ERC1: variants seen among roughly 807,000 people sequenced by gnomAD.
ERC1 encodes the protein ELKS/RAB6-interacting/CAST family member 1.
Under a neutral mutation model 132.0 loss-of-function variants are expected in ERC1, and 56 were observed. That is an observed-to-expected ratio of 0.42 (90% confidence interval 0.34 to 0.53). ERC1 has a LOEUF of 0.53. Among genes scored for constraint, ERC1 ranks in the 20% least tolerant of loss-of-function variants. The pLI is 0.03. For synonymous variants in ERC1, 478 were observed against 476.1 expected (o/e 1.00, Z -0.05); for missense variants, 1,202 against 1,349.9 (o/e 0.89, Z 1.72).
chr12:993,992 C>T (rs1592546385), intron 1 of ERC1, among the ~76,000 whole-genome samples: 1 of 145,438 alleles, frequency 6.9e-6, no homozygotes, highest in South Asian at 2.1e-4. Context: ...TTGCTTGAAC[C>T]TGGGAGGTGG....
At chr12:1,441,355 C>G (rs1347701898) in intron 17 of ERC1, among the ~76,000 whole-genome samples, 1 of 152,178 alleles carries the variant, frequency 6.6e-6, no homozygotes, top group African/African-American at 2.4e-5. Flanking sequence ...GCCACCGTGC[C>G]CGGCTGAAAT....
chr12:1,200,923 AG>A (rs1166915882), intron 12 of ERC1, among the ~76,000 whole-genome samples: 1 of 152,290 alleles, frequency 6.6e-6, no homozygotes, highest in East Asian at 1.9e-4. Flanking sequence ...AGAGAGATTC[AG>A]TAGTCTCCCA....
At chr12:1,440,911 G>T (rs1156278522) in intron 17 of ERC1, among the ~76,000 whole-genome samples, 1 of 151,970 alleles carries the variant, frequency 6.6e-6, no homozygotes, top group African/African-American at 2.4e-5. Flanking sequence ...CTCCCAAAGT[G>T]CTGGAATTAC....
chr12:1,135,634 G>C (rs1449906640), intron 7 of ERC1, among the ~76,000 whole-genome samples: 1 of 152,198 alleles, frequency 6.6e-6, no homozygotes, highest in African/African-American at 2.4e-5. Flanking sequence ...TTATAGAAGA[G>C]AGAGGACATA....
At chr12:1,477,917 TTATACA>T (rs1197121973) in intron 18 of ERC1, among the ~76,000 whole-genome samples, 2 of 152,254 alleles carry the variant, frequency 1.3e-5, no homozygotes, top group African/African-American at 4.8e-5. Flanking sequence ...ATCTGTTTTG[TTATACA>T]TATAGTTCAT....
chr12:1,436,419 T>G (rs148862764), intron 17 of ERC1, among the ~76,000 whole-genome samples: 104 of 152,322 alleles, frequency 6.8e-4, no homozygotes, highest in Non-Finnish European at 1.3e-3. Context: ...ATTATGTTGT[T>G]CCTTGTTTGT....
Position 1,098,435 on chromosome 12 carries a change from G to C in ERC1, c.1087-6315G>C, listed in dbSNP as rs143460989. On this transcript the variant is annotated intron_variant, in intron 3 of 18. Transcript: ENST00000360905. ...GCTAACTAGAGGCTGTTGCAAACTAGACTGGAAATGGGGTGAAATGGTTAG... is the reference window on the plus strand; with the variant it reads ...GCTAACTAGAGGCTGTTGCAAACTACACTGGAAATGGGGTGAAATGGTTAG... Among the ~76,000 whole-genome samples, 118 of 152,326 alleles carry C rather than the reference G, an allele frequency of 7.7e-4. No homozygotes were observed. The East Asian group carries it at 0.018, about 24-fold the overall frequency.
intron 15 of ERC1, among the ~76,000 whole-genome samples, chr12:1,341,365 A>G (rs1157535861): frequency 3.3e-5 from 5 of 151,812 alleles, no homozygotes; most frequent in Non-Finnish European, 7.4e-5. Flanking sequence ...ATGCACACAT[A>G]TGTTTATTTC....
At chr12:1,068,493 AAGT>A (rs1359751531) in intron 2 of ERC1, among the ~76,000 whole-genome samples, 4 of 117,560 alleles carry the variant, frequency 3.4e-5, no homozygotes, top group South Asian at 5.2e-4. Context: ...TTAAAAAAAA[AAGT>A]AGTCACTCAG....
chr12:1,447,277 G>A (rs1012829352), intron 18 of ERC1, among the ~76,000 whole-genome samples: 1 of 152,036 alleles, frequency 6.6e-6, no homozygotes, highest in African/African-American at 2.4e-5. Context: ...CGGCATTTTG[G>A]GAGGCTGAGG....
At chr12:1,126,986 C>CAAAAAAAA (rs71055135) in intron 7 of ERC1, among the ~76,000 whole-genome samples, 52 of 114,182 alleles carry the variant, frequency 4.6e-4, no homozygotes, top group East Asian at 1.3e-3. Context: ...GATTCTGTCT[C>CAAAAAAAA]AAAAAAAAAA....
At chr12:1,464,062 T>C (rs893495228) in intron 18 of ERC1, among the ~76,000 whole-genome samples, 10 of 152,170 alleles carry the variant, frequency 6.6e-5, no homozygotes, top group Admixed American at 2.0e-4. Flanking sequence ...AATGGGAGTG[T>C]GAGTGTAAGG....
chr12:1,128,737 G>T (rs1393558256), intron 7 of ERC1, among the ~76,000 whole-genome samples: 2 of 152,034 alleles, frequency 1.3e-5, no homozygotes, highest in African/African-American at 4.8e-5. Context: ...ATAAAGAAAT[G>T]ATTTAAAACG....
chr12:1,361,685 C>T (rs988411600), intron 15 of ERC1, among the ~76,000 whole-genome samples: 1 of 152,156 alleles, frequency 6.6e-6, no homozygotes, highest in African/African-American at 2.4e-5. Context: ...ATGAAAGTGC[C>T]TCCAGGAAAG....
intron 12 of ERC1, among the ~76,000 whole-genome samples, chr12:1,226,218 A>G (rs2074563073): frequency 6.6e-6 from 1 of 152,226 alleles, no homozygotes; most frequent in Admixed American, 6.5e-5. Context: ...TCAATGGAGA[A>G]TGAATTATCT....
chr12:1,316,032 G>T (rs562908643), intron 15 of ERC1, among the ~76,000 whole-genome samples: 4 of 152,168 alleles, frequency 2.6e-5, no homozygotes, highest in African/African-American at 7.2e-5. Flanking sequence ...GGGACTACAG[G>T]TGCATGCCAT....
At chr12:1,123,785 A>G (rs895235009) in intron 7 of ERC1, among the ~76,000 whole-genome samples, 1 of 152,168 alleles carries the variant, frequency 6.6e-6, no homozygotes, top group African/African-American at 2.4e-5. Flanking sequence ...ACCTGAGTTC[A>G]GGAGTTCGAG....
intron 16 of ERC1, chr12:1,390,480 G>A (rs1390416125): frequency 6.6e-6 from 1 of 151,870 alleles, no homozygotes; most frequent in Non-Finnish European, 1.5e-5. Flanking sequence ...ATACATTACT[G>A]AGTTAATAAA....
chr12:1,486,624 C>T (rs906689002), intron 18 of ERC1, among the ~76,000 whole-genome samples: 10 of 151,936 alleles, frequency 6.6e-5, no homozygotes, highest in African/African-American at 2.4e-4. Flanking sequence ...GGGGTTTTGC[C>T]GTGTTGGCCA....
Sources: allele counts gnomAD v4.1 joint callset (sites outside exome capture counted in the v4.1 genomes callset), GRCh38; gene constraint gnomAD v4.1.1; transcripts MANE v1.5; gene names NCBI Gene and HGNC (gene_info 2026-07-23, HGNC 2026-07-21).